Variants in DAB1 observed in about 807,000 individuals in gnomAD.
DAB1 encodes the protein DAB adaptor protein 1.
In DAB1, 15 loss-of-function variants were observed where a neutral mutation model predicts 64.6. That is an observed-to-expected ratio of 0.23 (90% CI 0.16 to 0.36). The LOEUF (loss-of-function observed/expected upper bound fraction) is 0.36. DAB1 is among the 10% of genes least tolerant of loss of function. The pLI is 1.00. For missense variants in DAB1, 596 were observed against 706.7 expected, an observed-to-expected ratio of 0.84 and a Z score of 1.78; for synonymous variants, 235 against 251.9, an observed-to-expected ratio of 0.93 and a Z score of 0.64.
chr1:58,205,979 T>TA (rs1011601840), intron 4 of DAB1, among the ~76,000 whole-genome samples: 14 of 152,196 alleles, frequency 9.2e-5, no homozygotes, highest in African/African-American at 3.4e-4. Context: ...TATTTTTTTT[T>TA]AATCATTATG....
chr1:57,250,468 G>C (rs1241424519), intron 2 of DAB1, among the ~76,000 whole-genome samples: 1 of 152,154 alleles, frequency 6.6e-6, no homozygotes, highest in Non-Finnish European at 1.5e-5. Context: ...AGCTATAACA[G>C]TTATCTTCCT....
At chr1:57,869,652 T>G (rs1018015826) in intron 1 of DAB1, among the ~76,000 whole-genome samples, 4 of 151,986 alleles carry the variant, frequency 2.6e-5, no homozygotes, top group African/African-American at 9.7e-5. Flanking sequence ...CAGACCACAC[T>G]CCTTAGAAGT....
At chr1:57,983,111 T>C in intron 5 of DAB1, among the ~76,000 whole-genome samples, 1 of 152,270 alleles carries the variant, frequency 6.6e-6, no homozygotes, top group African/African-American at 2.4e-5. Flanking sequence ...CATTGGTCAT[T>C]CCTCTTTAGG....
At chr1:57,606,175 A>G (rs1645634045) in intron 7 of DAB1, 2 of 196,088 alleles carry the variant, frequency 1.0e-5, no homozygotes, top group East Asian at 1.2e-4. Flanking sequence ...CTCCGGCTCC[A>G]TGAGTGTTTT....
chr1:57,383,749 A>G lies in DAB1; in HGVS notation c.-137+40181T>C, dbSNP rs866029117. On this transcript the variant is annotated intron_variant, in intron 1 of 14. Coordinates refer to ENST00000371236, the MANE Select transcript of DAB1 (RefSeq NM_001365792.1). ...ACCCTTACCTAACTCCATTTACAAA[A>G]ATTACCTCAAAATGGCTCAAAGACC... is the stretch of plus-strand genomic sequence containing the variant. Among the ~76,000 whole-genome samples, 3 of 152,276 alleles carry G rather than the reference A, an allele frequency of 2.0e-5. No individual in the cohort carries two copies. In the South Asian group the frequency reaches 6.2e-4, roughly 32 times the overall value.
At chr1:58,473,588 A>ATAAC (rs1168446141) in intron 3 of DAB1, among the ~76,000 whole-genome samples, 5 of 148,614 alleles carry the variant, frequency 3.4e-5, no homozygotes, top group Admixed American at 6.7e-5. Context: ...AAATAAATAA[A>ATAAC]TAACATGGGA....
At chr1:57,410,899 A>G (rs1684052944) in intron 1 of DAB1, among the ~76,000 whole-genome samples, 1 of 152,214 alleles carries the variant, frequency 6.6e-6, no homozygotes, top group African/African-American at 2.4e-5. Flanking sequence ...ATGTGAGAGA[A>G]GGGGAAAGGA....
intron 6 of DAB1, among the ~76,000 whole-genome samples, chr1:57,705,874 G>GTTTTTT (rs11375591): frequency 6.9e-6 from 1 of 144,768 alleles, no homozygotes. Flanking sequence ...CAATACTAGG[G>GTTTTTT]TTTTTTTTTT....
At chr1:58,316,312 G>T (rs978198593) in intron 4 of DAB1, among the ~76,000 whole-genome samples, 1 of 152,200 alleles carries the variant, frequency 6.6e-6, no homozygotes, top group African/African-American at 2.4e-5. Context: ...TGGCTCTGTT[G>T]CTTACTTACT....
At chr1:57,048,048 T>G (rs1461685699) in intron 9 of DAB1, among the ~76,000 whole-genome samples, 1 of 152,248 alleles carries the variant, frequency 6.6e-6, no homozygotes, top group Non-Finnish European at 1.5e-5. Flanking sequence ...GTGCATTACT[T>G]TATTCAATTC....
At chr1:57,611,508 C>T (rs1237432757) in intron 7 of DAB1, among the ~76,000 whole-genome samples, 1 of 152,188 alleles carries the variant, frequency 6.6e-6, no homozygotes, top group African/African-American at 2.4e-5. Flanking sequence ...AAATTTGCAA[C>T]TGTGGCTTAG....
intron 7 of DAB1, among the ~76,000 whole-genome samples, chr1:57,588,566 C>G (rs1318120904): frequency 6.6e-6 from 1 of 152,164 alleles, no homozygotes; most frequent in African/African-American, 2.4e-5. Flanking sequence ...CTCTCCTTAT[C>G]TGCTTACATT....
intron 1 of DAB1, among the ~76,000 whole-genome samples, chr1:57,419,667 C>T (rs537078628): frequency 3.3e-5 from 5 of 152,284 alleles, no homozygotes; most frequent in South Asian, 4.1e-4. Flanking sequence ...AGCTAAGTAA[C>T]TTTACATGCT....
At chr1:58,477,644 G>A (rs929892004) in intron 3 of DAB1, among the ~76,000 whole-genome samples, 9 of 152,166 alleles carry the variant, frequency 5.9e-5, no homozygotes, top group Non-Finnish European at 1.2e-4. Context: ...CACACATCCA[G>A]CTGGATGTGA....
At chr1:57,090,944 T>C (rs934604438) in intron 4 of DAB1, among the ~76,000 whole-genome samples, 2 of 152,130 alleles carry the variant, frequency 1.3e-5, no homozygotes, top group South Asian at 2.1e-4. Flanking sequence ...GAGATCTACG[T>C]TGCACACTCC....
intron 9 of DAB1, among the ~76,000 whole-genome samples, chr1:57,038,747 A>G (rs1185496013): frequency 6.6e-6 from 1 of 152,218 alleles, no homozygotes; most frequent in Non-Finnish European, 1.5e-5. Context: ...AAATCCTTGG[A>G]CAACAAAATA....
At chr1:57,358,718 C>T (rs1679317011) in intron 1 of DAB1, among the ~76,000 whole-genome samples, 2 of 152,038 alleles carry the variant, frequency 1.3e-5, no homozygotes, top group African/African-American at 4.8e-5. Context: ...CACTACCTGA[C>T]TTCAAAATAT....
intron 2 of DAB1, among the ~76,000 whole-genome samples, chr1:57,194,253 C>T (rs1664426863): frequency 6.6e-6 from 1 of 152,040 alleles, no homozygotes; most frequent in South Asian, 2.1e-4. Context: ...CACTTGTCTG[C>T]CAACAAATGT....
intron 1 of DAB1, among the ~76,000 whole-genome samples, chr1:57,846,916 C>G (rs985978919): frequency 6.6e-6 from 1 of 152,214 alleles, no homozygotes; most frequent in Non-Finnish European, 1.5e-5. Flanking sequence ...TATGGAGATG[C>G]CTACTTAAGA....
Sources: gnomAD v4.1 joint callset for allele counts (sites outside exome capture counted in the v4.1 genomes callset) on GRCh38, gnomAD v4.1.1 for gene constraint, MANE v1.5 for transcripts, NCBI Gene and HGNC (gene_info 2026-07-23, HGNC 2026-07-21) for gene names.